Variants in IARS1 observed in about 807,000 individuals in gnomAD.
IARS1 encodes isoleucine--tRNA ligase, cytoplasmic.
A neutral mutation model predicts 168.2 loss-of-function variants in IARS1; 124 were observed. That is an observed-to-expected ratio of 0.74 (90% CI 0.64 to 0.86). The LOEUF (loss-of-function observed/expected upper bound fraction) is 0.86, where lower values mean the gene tolerates loss of function less well. IARS1 is among the 40% of genes least tolerant of loss of function. IARS1 has a pLI of 0.00. For missense variants in IARS1, 1,452 were observed against 1,515.8 expected, an observed-to-expected ratio of 0.96 and a Z score of 0.70; for synonymous variants, 532 against 529.4, an observed-to-expected ratio of 1.00 and a Z score of -0.07.
chr9:92,215,968 T>C (rs1163334991), intron 33 of IARS1, among the ~76,000 whole-genome samples: 1 of 150,230 alleles, frequency 6.7e-6, no homozygotes, highest in African/African-American at 2.4e-5. Flanking sequence ...GACACATAAT[T>C]GTCAGATTCA....
rs148316930 is a variant in IARS1 at position 92,276,338 on chromosome 9, G to A, written c.894+1525C>T. Among the ~76,000 whole-genome samples the A allele has an allele frequency of 2.2e-3, 335 of 152,298 alleles. 4 individuals are homozygous for A. Among genetic ancestry groups the A allele is most frequent in the African/African-American group, 7.6e-3 (314 of 41,564 alleles). ...AGGAAAGGGAAGAGCCAGTTTGACTGAATAAAGGATATGTCTAAAGTAATG... is the reference window on the plus strand; with the variant it reads ...AGGAAAGGGAAGAGCCAGTTTGACTAAATAAAGGATATGTCTAAAGTAATG... On this transcript the variant is annotated intron_variant, in intron 9 of 33. Coordinates refer to ENST00000443024, the MANE Select transcript of IARS1 (RefSeq NM_002161.6).
chr9:92,226,649 A>T (rs1260502848), intron 31 of IARS1, among the ~76,000 whole-genome samples: 1 of 152,004 alleles, frequency 6.6e-6, no homozygotes, highest in Non-Finnish European at 1.5e-5. Context: ...TCCCTCTGAA[A>T]CCTGTAGGCG....
At chr9:92,213,163 A>G (rs1838049640) in intron 33 of IARS1, among the ~76,000 whole-genome samples, 1 of 152,102 alleles carries the variant, frequency 6.6e-6, no homozygotes, top group South Asian at 2.1e-4. Flanking sequence ...AAAACGGGAG[A>G]ATTACACAGA....
At chr9:92,211,472 G>A (rs1235023440) in intron 33 of IARS1, among the ~76,000 whole-genome samples, 4 of 152,160 alleles carry the variant, frequency 2.6e-5, no homozygotes, top group Admixed American at 2.0e-4. Flanking sequence ...GAACCTGAGG[G>A]TGGTTTAGGA....
chr9:92,288,224 G>A lies in IARS1; in HGVS notation c.178C>T (p.Leu60Phe). The A allele has an allele frequency of 1.2e-6, 2 of 1,613,956 alleles. No homozygotes were observed. Among genetic ancestry groups the A allele is most frequent in the African/African-American group, 2.7e-5 (2 of 75,032 alleles). The change falls in exon 3 of 34, where the codon CTT becomes TTT. Residue 60 changes from leucine to phenylalanine, a missense_variant. Leu to Phe is a conservative substitution (Grantham distance 22). Transcript: ENST00000443024. ...ACTATATCTTTAATTGTACCCGCAA[G>A]TATATGTCCATAGTGAGGCAGTCCA... Reference protein sequence around the residue: ...ATGLPHYGHILAGTIKDIVTR... With the variant: ...ATGLPHYGHIFAGTIKDIVTR...
At chr9:92,257,054 T>C (rs561665592) in intron 19 of IARS1, among the ~76,000 whole-genome samples, 4 of 152,246 alleles carry the variant, frequency 2.6e-5, no homozygotes, top group Non-Finnish European at 2.9e-5. Context: ...CACCAAAGAG[T>C]AATTATGAAT....
chr9:92,245,166 C>T, intron 26 of IARS1, 95 bp from the exon 27 acceptor site: 2 of 980,384 alleles, frequency 2.0e-6, no homozygotes, highest in Non-Finnish European at 3.2e-6. Flanking sequence ...TAAAATTTCA[C>T]AATAACAAAG....
At chr9:92,242,939 G>A (rs1828648706) in intron 28 of IARS1, 1 of 365,196 alleles carries the variant, frequency 2.7e-6, no homozygotes, top group Non-Finnish European at 5.2e-6. Flanking sequence ...ATTACCTTCT[G>A]CTCCAGTCAC....
Position 92,274,486 on chromosome 9 carries a change from G to A in IARS1, c.930C>T (p.Asp310=). Residue 310 remains aspartate (D), a synonymous_variant, in exon 10 of 34, where the codon GAC becomes GAT. Transcript: ENST00000443024. ...KENGAFTVLV[D]NYVKEEEGTG... is the part of the protein sequence containing the mutation. ...TGCCTTCTTCTTCCTTCACATAGTTGTCAACAAGCACAGTGAAAGCGCCAT... is the reference window on the plus strand; with the variant it reads ...TGCCTTCTTCTTCCTTCACATAGTTATCAACAAGCACAGTGAAAGCGCCAT... 6.2e-7 allele frequency: 1 copy of A among 1,613,956 alleles called. No individual in the cohort carries two copies. The highest frequency in any genetic ancestry group is 8.5e-7 in the Non-Finnish European group (1 of 1,179,868).
chr9:92,217,152 A>G (rs1011673120), intron 33 of IARS1, among the ~76,000 whole-genome samples: 2 of 151,808 alleles, frequency 1.3e-5, no homozygotes, highest in African/African-American at 4.8e-5. Context: ...TGGAAACTGA[A>G]CAACCTGCTC....
chr9:92,276,252 A>G (rs1348716117), intron 9 of IARS1, among the ~76,000 whole-genome samples: 4 of 152,238 alleles, frequency 2.6e-5, no homozygotes, highest in Non-Finnish European at 5.9e-5. Context: ...ATATCAACAT[A>G]AGAAAAAAAT....
Position 92,245,040 on chromosome 9 carries a change from G to A in IARS1, c.2823C>T (p.His941=), listed in dbSNP as rs137864896. ...GTIVVEGHEL[H]DEDIRLMYTF... is the part of the protein sequence containing the mutation. ...TGTACATGAGGCGGATGTCTTCATC[G>A]TGCAATTCATGGCCTTCCACAACAA... Residue 941 remains histidine (H), a synonymous_variant, in exon 27 of 34, where the codon CAC becomes CAT. Transcript: ENST00000443024. 7.1e-4 allele frequency: 1,138 copies of A among 1,614,118 alleles called. 3 individuals are homozygous for A. The highest frequency in any genetic ancestry group is 8.9e-4 in the Non-Finnish European group (1,049 of 1,179,994).
intron 18 of IARS1, among the ~76,000 whole-genome samples, chr9:92,259,577 G>A (rs1831224246): frequency 6.6e-6 from 1 of 152,184 alleles, no homozygotes; most frequent in Non-Finnish European, 1.5e-5. Context: ...GTCAACAGAG[G>A]TACTGTGTGA....
At chr9:92,241,606 T>C (rs1828412295) in intron 29 of IARS1, among the ~76,000 whole-genome samples, 1 of 152,182 alleles carries the variant, frequency 6.6e-6, no homozygotes, top group African/African-American at 2.4e-5. Context: ...CCTCCCAAAG[T>C]GCTGGGATTA....
chr9:92,277,442 G>A (rs1392800300), intron 9 of IARS1, among the ~76,000 whole-genome samples: 2 of 152,026 alleles, frequency 1.3e-5, no homozygotes, highest in Non-Finnish European at 2.9e-5. Context: ...TCCCAGCCAG[G>A]TGCAGTGGCT....
rs771529271 is a variant in IARS1, at chr9:92,289,436, A to G, written c.-7-10T>C. ...TTGAAGCATTTTGTTGCTGCAAAAGAAATCAAATTTATTACTGTCAAAAGA... is the reference window on the plus strand; with the variant it reads ...TTGAAGCATTTTGTTGCTGCAAAAGGAATCAAATTTATTACTGTCAAAAGA... On this transcript the variant is annotated splice_polypyrimidine_tract_variant and intron_variant, in intron 1 of 33. Transcript: ENST00000443024. 1 of 1,142,852 alleles carries G rather than the reference A, an allele frequency of 8.8e-7. No individual in the cohort carries two copies. Among genetic ancestry groups the G allele is most frequent in the Non-Finnish European group, 1.3e-6 (1 of 754,016 alleles). 70.8% of individuals were successfully genotyped at this position (1,142,852 alleles called of 1,614,324 possible). A position where few individuals can be genotyped will look rare whatever the true frequency, so the allele number is the denominator to read the frequency against.
intron 19 of IARS1, 62 bp downstream of exon 19, chr9:92,258,792 C>G (rs1266530035): frequency 4.0e-6 from 6 of 1,488,026 alleles, no homozygotes; most frequent in Non-Finnish European, 5.4e-6. Flanking sequence ...CACCTCACAG[C>G]TTGGTGAAGG....
At chr9:92,270,855 T>C in intron 12 of IARS1, 130 bp downstream of exon 12, 1 of 542,822 alleles carries the variant, frequency 1.8e-6, no homozygotes, top group Non-Finnish European at 3.2e-6. Flanking sequence ...AGTAAGAAGG[T>C]GGCTTCCCAA....
At chr9:92,264,873 C>T in intron 16 of IARS1, 56 bp downstream of exon 16, 5 of 1,449,592 alleles carry the variant, frequency 3.4e-6, no homozygotes, top group Middle Eastern at 1.8e-4. Flanking sequence ...TAGTAAAATA[C>T]TCCCTAAATA....
Sources: gnomAD v4.1 joint callset for allele counts (sites outside exome capture counted in the v4.1 genomes callset) on GRCh38, gnomAD v4.1.1 for gene constraint, MANE v1.5 for transcripts, NCBI Gene and HGNC (gene_info 2026-07-23, HGNC 2026-07-21) for gene names.